The following PPEF1 variants were observed in gnomAD, a reference collection of about 807,000 sequenced individuals.
The protein encoded by PPEF1 is serine/threonine-protein phosphatase with EF-hands 1.
In PPEF1, 12 loss-of-function variants were observed where a neutral mutation model predicts 53.3. The ratio of observed to expected loss-of-function variants is 0.23; its 90% CI spans 0.14 to 0.36. PPEF1 has a LOEUF of 0.36. PPEF1 is among the 10% of genes least tolerant of loss of function. The pLI, the probability that PPEF1 is intolerant of heterozygous loss-of-function variation, is 1.00. For missense variants in PPEF1, 334 were observed against 490.4 expected, an observed-to-expected ratio of 0.68 and a Z score of 3.01; for synonymous variants, 165 against 176.7, an observed-to-expected ratio of 0.93 and a Z score of 0.52.
chrX:18,817,854 T>C (rs1326384878), intron 12 of PPEF1, among the ~76,000 whole-genome samples, 185 bp from the exon 13 acceptor site: 2 of 111,440 alleles, frequency 1.8e-5, no homozygotes, highest in Non-Finnish European at 3.8e-5. Flanking sequence ...ATGAAATGCA[T>C]GTGTGCATGC....
rs180858028 is a variant in PPEF1, at chrX:18,782,911, G to A, written c.762+509G>A. 8.4e-3 allele frequency among the ~76,000 whole-genome samples: 905 copies of A among 108,355 alleles called. 13 individuals carry two copies. The highest frequency in any genetic ancestry group is 0.028 in the African/African-American group (844 of 29,756). 94.1% of individuals were successfully genotyped at this position (108,355 alleles called of 115,157 possible). On this transcript the variant is annotated intron_variant, in intron 8 of 15. Transcript: ENST00000470157. ...GTGGATCACTTGAGGTCAGGAGTTCGAGACCAGCCTGACCAACGTGGTGAA... is the reference window on the plus strand; with the variant it reads ...GTGGATCACTTGAGGTCAGGAGTTCAAGACCAGCCTGACCAACGTGGTGAA...
exon 1 of PPEF1, chrX:18,675,962 G>A (rs1030354882): frequency 1.1e-5 from 1 of 92,944 alleles, no homozygotes; most frequent in African/African-American, 3.9e-5. Context: ...TGGGCGGGGG[G>A]GGGGGGGCAT....
At chrX:18,811,342 C>T (rs2046798578) in intron 12 of PPEF1, among the ~76,000 whole-genome samples, 1 of 110,555 alleles carries the variant, frequency 9.0e-6, no homozygotes, top group Middle Eastern at 4.7e-3. Context: ...TGTGAGCCAC[C>T]GCGCCCAGCT....
upstream of PPEF1, among the ~76,000 whole-genome samples, chrX:18,679,135 G>A (rs1256535870): frequency 9.8e-5 from 11 of 112,085 alleles, 1 homozygote; most frequent in South Asian, 7.4e-4. Context: ...GTGCAGCAGC[G>A]CCATCTTAGC....
intron 9 of PPEF1, among the ~76,000 whole-genome samples, chrX:18,788,304 C>CAAAAAAA (rs1214682551): frequency 3.3e-5 from 1 of 30,299 alleles, no homozygotes; most frequent in Non-Finnish European, 5.4e-5. Flanking sequence ...GACTCTGTCT[C>CAAAAAAA]AAAAAAAAAA....
rs759007775 is a variant in PPEF1, at chrX:18,820,479, G to T, written c.1501+2334G>T. 1.7e-4 allele frequency among the ~76,000 whole-genome samples: 19 copies of T among 108,642 alleles called. No individual in the cohort carries two copies. In the South Asian group the frequency reaches 7.2e-3, roughly 41 times the overall value. 94.3% of individuals were successfully genotyped at this position (108,642 alleles called of 115,157 possible). On this transcript the variant is annotated intron_variant, in intron 13 of 15. Coordinates refer to ENST00000470157, the MANE Select transcript of PPEF1 (RefSeq NM_001377996.1). The stretch of plus-strand genomic sequence containing the variant: ...CGGCTCACTGCAACCTCCGCCTCCC[G>T]GGTTCAAGCAATTCTCCTGCCTCAG...
intron 3 of PPEF1, among the ~76,000 whole-genome samples, chrX:18,742,068 G>T (rs994810985): frequency 4.5e-5 from 5 of 110,803 alleles, no homozygotes; most frequent in Admixed American, 2.9e-4. Context: ...AAAGTGCTGG[G>T]ATTACACACA....
chrX:18,817,123 A>G (rs1043426266), intron 12 of PPEF1, among the ~76,000 whole-genome samples: 1 of 108,706 alleles, frequency 9.2e-6, no homozygotes, highest in African/African-American at 3.4e-5. Flanking sequence ...CAAAAAATAC[A>G]AAGAGGAACA....
chrX:18,804,337 C>G (rs2046614667), intron 11 of PPEF1, among the ~76,000 whole-genome samples: 1 of 107,936 alleles, frequency 9.3e-6, no homozygotes, highest in Non-Finnish European at 1.9e-5. Context: ...GATGGAGTCT[C>G]ACTCTGCCAC....
At chrX:18,734,056 T>C (rs1029952802) in intron 3 of PPEF1, among the ~76,000 whole-genome samples, 2 of 111,633 alleles carry the variant, frequency 1.8e-5, no homozygotes, top group Non-Finnish European at 3.8e-5. Context: ...TCATTCAATA[T>C]TCATTTGTTG....
intron 1 of PPEF1, among the ~76,000 whole-genome samples, chrX:18,727,873 A>G (rs1004696273): frequency 8.9e-6 from 1 of 112,016 alleles, no homozygotes; most frequent in Admixed American, 9.5e-5. Flanking sequence ...AAAGAGATGC[A>G]TAGGGCGAGG....
Position 18,749,839 on chromosome X carries a change from T to A in PPEF1, c.283T>A (p.Trp95Arg), listed in dbSNP as rs764216361. The change falls in exon 4 of 16, where the codon TGG (tryptophan) becomes AGG (arginine). Residue 95 changes from tryptophan to arginine, a missense_variant. By Grantham distance (101) the Trp-to-Arg change is moderately radical. Transcript: ENST00000470157. ...LESEQDMRDRWDYVDSIDVPD... is the reference protein window; with the variant it reads ...LESEQDMRDRRDYVDSIDVPD... ...AAGCGAACAGGACATGAGGGATAGATGGGATTATGTGGACTCGATAGATGT... is the reference window on the plus strand; with the variant it reads ...AAGCGAACAGGACATGAGGGATAGAAGGGATTATGTGGACTCGATAGATGT... 40 of 1,146,819 alleles carry A rather than the reference T, an allele frequency of 3.5e-5. No homozygotes were observed. The highest frequency in any genetic ancestry group is 4.2e-5 in the Non-Finnish European group (36 of 860,539). 94.5% of individuals were successfully genotyped at this position (1,146,819 alleles called of 1,213,427 possible). A position where few individuals can be genotyped will look rare whatever the true frequency, so the allele number is the denominator to read the frequency against.
At chrX:18,721,493 A>T (rs2044588721) in intron 1 of PPEF1, among the ~76,000 whole-genome samples, 2 of 111,391 alleles carry the variant, frequency 1.8e-5, no homozygotes, top group Non-Finnish European at 3.8e-5. Context: ...GGGCTGCAGC[A>T]ATGGCACTAA....
chrX:18,682,584 C>G (rs1215215661), upstream of PPEF1, among the ~76,000 whole-genome samples: 1 of 111,419 alleles, frequency 9.0e-6, no homozygotes, highest in African/African-American at 3.3e-5. Flanking sequence ...GCCCCGGCCC[C>G]AGTCATGCAT....
chrX:18,759,427 G>A (rs1352911474), intron 5 of PPEF1, among the ~76,000 whole-genome samples: 1 of 111,345 alleles, frequency 9.0e-6, no homozygotes, highest in Admixed American at 9.6e-5. Context: ...TTTTTTACAT[G>A]TACATCTAAA....
At chrX:18,729,450 T>A (rs1173891385) in intron 1 of PPEF1, among the ~76,000 whole-genome samples, 1 of 112,593 alleles carries the variant, frequency 8.9e-6, no homozygotes, top group Non-Finnish European at 1.9e-5. Context: ...TGTGGTTTTG[T>A]ATCTATATAG....
chrX:18,814,781 A>G lies in PPEF1; in HGVS notation c.1395-3258A>G, dbSNP rs544464723. Among the ~76,000 whole-genome samples, 10 of 111,489 alleles carry G rather than the reference A, an allele frequency of 9.0e-5. No individual in the cohort carries two copies. In the South Asian group the frequency reaches 2.2e-3, roughly 25 times the overall value. On this transcript the variant is annotated intron_variant, in intron 12 of 15. Transcript: ENST00000470157. ...CATAGTTTGTGAAGATTTCCTCCCAATCTTTAGGTTGCCTGCTTACTCTGT... is the reference window on the plus strand; with the variant it reads ...CATAGTTTGTGAAGATTTCCTCCCAGTCTTTAGGTTGCCTGCTTACTCTGT...
chrX:18,744,272 G>T (rs1425606702), intron 3 of PPEF1, among the ~76,000 whole-genome samples: 2 of 111,898 alleles, frequency 1.8e-5, no homozygotes, highest in African/African-American at 6.5e-5. Flanking sequence ...CTTAACTCTG[G>T]GGCATGGAGT....
intron 10 of PPEF1, among the ~76,000 whole-genome samples, chrX:18,792,376 G>A (rs1395949044): frequency 9.0e-6 from 1 of 111,399 alleles, no homozygotes; most frequent in Non-Finnish European, 1.9e-5. Context: ...CAAGTTTTTT[G>A]TTTCTTCCTG....
Sources: allele counts gnomAD v4.1 joint callset (sites outside exome capture counted in the v4.1 genomes callset), GRCh38; gene constraint gnomAD v4.1.1; transcripts MANE v1.5; gene names NCBI Gene and HGNC (gene_info 2026-07-23, HGNC 2026-07-21).